The following CIT variants were observed in gnomAD, a reference collection of about 807,000 sequenced individuals.
CIT encodes the protein citron rho-interacting serine/threonine kinase.
Under a neutral mutation model 272.7 loss-of-function variants are expected in CIT, and 79 were observed. The ratio of observed to expected loss-of-function variants is 0.29; its 90% CI spans 0.24 to 0.35. The LOEUF (loss-of-function observed/expected upper bound fraction) is 0.35. Ranked by LOEUF, CIT falls within the 10% of genes least tolerant of loss-of-function variation. The pLI is 1.00. For synonymous variants in CIT, 948 were observed against 995.6 expected (o/e 0.95, Z 0.90); for missense variants, 1,909 against 2,618.3 (o/e 0.73, Z 5.91).
At chr12:119,766,648 T>C (rs1962484673) in intron 19 of CIT, among the ~76,000 whole-genome samples, 1 of 152,160 alleles carries the variant, frequency 6.6e-6, no homozygotes, top group East Asian at 1.9e-4. Flanking sequence ...TATTTGTAAC[T>C]CAAAGGATAA....
chr12:119,790,010 G>A (rs574142), intron 10 of CIT, among the ~76,000 whole-genome samples: 67,587 of 151,418 alleles, frequency 0.45, 15,577 homozygotes, highest in Admixed American at 0.56. Flanking sequence ...CACTGCACCC[G>A]GCCTGTTTTC....
At chr12:119,873,481 T>C (rs1437493523) in intron 2 of CIT, among the ~76,000 whole-genome samples, 1 of 151,882 alleles carries the variant, frequency 6.6e-6, no homozygotes, top group Non-Finnish European at 1.5e-5. Context: ...GGGCTCACCA[T>C]GTTGCCCGGG....
At chr12:119,841,268 A>G (rs1969393450) in intron 5 of CIT, among the ~76,000 whole-genome samples, 2 of 150,208 alleles carry the variant, frequency 1.3e-5, no homozygotes, top group Non-Finnish European at 3.0e-5. Flanking sequence ...TCTGCCTTCC[A>G]GGTTCAAGCA....
intron 19 of CIT, among the ~76,000 whole-genome samples, chr12:119,762,040 C>T (rs1961867178): frequency 6.6e-6 from 1 of 152,186 alleles, no homozygotes; most frequent in Non-Finnish European, 1.5e-5. Context: ...AGGAGGACAA[C>T]AGGATCCTGG....
intron 4 of CIT, among the ~76,000 whole-genome samples, chr12:119,852,205 G>T (rs1420758782): frequency 6.6e-6 from 1 of 152,172 alleles, no homozygotes; most frequent in African/African-American, 2.4e-5. Context: ...CATCTTGTCT[G>T]AGATATTCCG....
intron 24 of CIT, among the ~76,000 whole-genome samples, chr12:119,738,416 C>G (rs561949915): frequency 6.6e-6 from 1 of 152,222 alleles, no homozygotes; most frequent in African/African-American, 2.4e-5. Context: ...GTCTGTTAAC[C>G]TTTTAACCCC....
At chr12:119,717,214 G>A (rs758103257) in intron 32 of CIT, among the ~76,000 whole-genome samples, 4 of 151,636 alleles carry the variant, frequency 2.6e-5, no homozygotes, top group African/African-American at 4.9e-5. Context: ...CACCACACCC[G>A]GCTAATTTTG....
intron 15 of CIT, 61 bp from the exon 16 acceptor site, chr12:119,775,900 T>C: frequency 9.0e-6 from 12 of 1,329,274 alleles, no homozygotes; most frequent in South Asian, 7.2e-5. Flanking sequence ...TCTTGCTACA[T>C]TTATTGCAGT....
At chr12:119,740,396 G>T (rs899873879) in intron 24 of CIT, among the ~76,000 whole-genome samples, 1 of 152,000 alleles carries the variant, frequency 6.6e-6, no homozygotes, top group African/African-American at 2.4e-5. Flanking sequence ...TGTTTTTATC[G>T]CTCAAGGATA....
At chr12:119,854,747 G>A (rs193241858) in intron 4 of CIT, among the ~76,000 whole-genome samples, 196 of 150,512 alleles carry the variant, frequency 1.3e-3, no homozygotes, top group Non-Finnish European at 2.5e-3. Context: ...TCAGGAGTTC[G>A]AGACCAGCCT....
chr12:119,863,188 C>T (rs1235414260), intron 3 of CIT, among the ~76,000 whole-genome samples: 31 of 116,580 alleles, frequency 2.7e-4, no homozygotes, highest in South Asian at 8.3e-4. Context: ...GGCAACAGAG[C>T]GAGACTCTGT....
chr12:119,729,935 G>A (rs2137211762), intron 27 of CIT, among the ~76,000 whole-genome samples: 1 of 152,284 alleles, frequency 6.6e-6, no homozygotes, highest in African/African-American at 2.4e-5. Flanking sequence ...TCTCTCTCAA[G>A]ATTATTAGCT....
At chr12:119,719,432 AT>A (rs1178150332) in intron 30 of CIT, among the ~76,000 whole-genome samples, 1 of 152,256 alleles carries the variant, frequency 6.6e-6, no homozygotes, top group Non-Finnish European at 1.5e-5. Flanking sequence ...ACTAAAAAAA[AT>A]AACAAATGGA....
chr12:119,774,612 C>T (rs1034947251), intron 16 of CIT, among the ~76,000 whole-genome samples: 1 of 151,958 alleles, frequency 6.6e-6, no homozygotes, highest in Non-Finnish European at 1.5e-5. Context: ...ACTATAAGTA[C>T]ATGCAATTAT....
chr12:119,752,086 G>A lies in CIT; in HGVS notation c.2868C>T (p.Thr956=). The A allele has an allele frequency of 6.2e-7, 1 of 1,612,690 alleles. No homozygotes were observed. Among genetic ancestry groups the A allele is most frequent in the Middle Eastern group, 2.0e-4 (1 of 5,108 alleles). The change falls in exon 23 of 48, where the codon ACC becomes ACT. Residue 956 remains threonine (T), a synonymous_variant. Coordinates refer to ENST00000392521, the MANE Select transcript of CIT (RefSeq NM_001206999.2). ...LRQAKTELEE[T]TAEAEEEIQA... The stretch of plus-strand genomic sequence containing the variant: ...GGATCTCCTCTTCAGCTTCTGCTGT[G>A]GTCTCTTCCAGCTCTGTCTTCGCCT...
At chr12:119,860,821 T>C (rs1359339107) in intron 3 of CIT, among the ~76,000 whole-genome samples, 1 of 146,932 alleles carries the variant, frequency 6.8e-6, no homozygotes, top group Admixed American at 6.7e-5. Flanking sequence ...CTATGATTAC[T>C]TAAAAAAAAA....
In CIT at chr12:119,710,844, G is replaced by A; in HGVS notation, c.4855-224C>T. 2 of 630,948 alleles carry A rather than the reference G, an allele frequency of 3.2e-6. No homozygotes were observed. The highest frequency in any genetic ancestry group is 5.4e-6 in the Non-Finnish European group (2 of 371,356). The allele number at this position is 630,948 out of a possible 1,614,324, so 39.1% of individuals were successfully genotyped here. On this transcript the variant is annotated intron_variant, in intron 37 of 47. Coordinates refer to ENST00000392521, the MANE Select transcript of CIT (RefSeq NM_001206999.2). The surrounding 1 kb of genome is among the most constrained non-coding windows in gnomAD (Gnocchi z 5.6). The stretch of plus-strand genomic sequence containing the variant: ...GGGGCAGCTGTTAATTAGCATCTGA[G>A]TTATAATTTGGCTGGGATGCAGAAA...
intron 5 of CIT, among the ~76,000 whole-genome samples, chr12:119,848,711 TAC>T: frequency 6.6e-6 from 1 of 152,094 alleles, no homozygotes; most frequent in Non-Finnish European, 1.5e-5. Context: ...AAGTAAACTA[TAC>T]ACATGTGGAT....
chr12:119,762,018 CCAA>C (rs1043341846), intron 19 of CIT, among the ~76,000 whole-genome samples: 7 of 152,116 alleles, frequency 4.6e-5, no homozygotes, highest in African/African-American at 1.7e-4. Context: ...CCAAAGAACA[CCAA>C]CAACATCAAG....
Sources: allele counts gnomAD v4.1 joint callset (sites outside exome capture counted in the v4.1 genomes callset), GRCh38; gene constraint gnomAD v4.1.1; non-coding constraint Gnocchi (gnomAD v3.1); transcripts MANE v1.5; gene names NCBI Gene and HGNC (gene_info 2026-07-23, HGNC 2026-07-21).